AGAP1: variants seen among roughly 807,000 people sequenced by gnomAD.
AGAP1 encodes the protein arf-GAP with GTPase, ANK repeat and PH domain-containing protein 1.
Under a neutral mutation model 105.3 loss-of-function variants are expected in AGAP1, and 29 were observed. That is an observed-to-expected ratio of 0.28 (90% CI 0.21 to 0.38). The LOEUF (loss-of-function observed/expected upper bound fraction) is 0.38. Ranked by LOEUF, AGAP1 falls within the 10% of genes least tolerant of loss-of-function variation. The pLI is 1.00. For synonymous variants in AGAP1, 509 were observed against 485.9 expected, an observed-to-expected ratio of 1.05 and a Z score of -0.63; for missense variants, 998 against 1,165.1, an observed-to-expected ratio of 0.86 and a Z score of 2.09.
At chr2:236,099,413 C>T (rs906324411) in intron 16 of AGAP1, among the ~76,000 whole-genome samples, 2 of 151,874 alleles carry the variant, frequency 1.3e-5, no homozygotes, top group East Asian at 3.9e-4. Flanking sequence ...CGAGATCACA[C>T]CACTGCACTC....
In AGAP1 at chr2:235,705,102, C is replaced by A. The variant is rs1950474422; in HGVS notation, c.164-4077C>A. ...CAAGCACTTCTCCTGCCTCAGCCTC[C>A]CGAGCAGCTGGGATTACAATCATGT... On this transcript the variant is annotated intron_variant, in intron 1 of 17. Coordinates refer to ENST00000304032, the MANE Select transcript of AGAP1 (RefSeq NM_001037131.3). This position sits in a 1 kb window ranked among gnomAD's most constrained non-coding sequence, Gnocchi z 4.9. Among the ~76,000 whole-genome samples, 1 of 151,146 alleles carries A rather than the reference C, an allele frequency of 6.6e-6. No individual in the cohort carries two copies. The highest frequency in any genetic ancestry group is 2.4e-5 in the African/African-American group (1 of 41,122).
chr2:235,637,009 C>T (rs1255736121), intron 1 of AGAP1, among the ~76,000 whole-genome samples: 1 of 152,136 alleles, frequency 6.6e-6, no homozygotes, highest in Non-Finnish European at 1.5e-5. Flanking sequence ...TAAAGGAACC[C>T]GCCCTGCTGA....
At chr2:235,590,223 C>T (rs111917103) in intron 1 of AGAP1, among the ~76,000 whole-genome samples, 2 of 152,150 alleles carry the variant, frequency 1.3e-5, no homozygotes, top group Admixed American at 6.5e-5. Flanking sequence ...AGTTTTTACT[C>T]GGTGTTAACG....
At position 235,976,096 on chromosome 2, in the gene AGAP1, A is replaced by C. The variant is rs936062590; in HGVS notation, c.1645+7473A>C. Among the ~76,000 whole-genome samples the C allele has an allele frequency of 3.3e-5, 5 of 152,196 alleles. No individual in the cohort carries two copies. ...TTCCTGGGAGATACGCTGGAAATGC[A>C]GTCACTTCACTCTGCTAAGGATATC... On this transcript the variant is annotated intron_variant, in intron 13 of 17. Transcript: ENST00000304032. This position sits in a 1 kb window ranked among gnomAD's most constrained non-coding sequence, Gnocchi z 4.5.
At position 235,709,225 on chromosome 2, in the gene AGAP1, G is replaced by A. The variant is rs8178995; in HGVS notation, c.210G>A (p.Pro70=). The change falls in exon 2 of 18, where the codon CCG becomes CCA. Residue 70 remains proline (P), a synonymous_variant. Coordinates refer to ENST00000304032, the MANE Select transcript of AGAP1 (RefSeq NM_001037131.3). ...AATGGACGCTGAGTCGATCTGTCCC[G>A]GAGCTCAAAGTGGTGAGTGGTTCCC... The part of the protein sequence containing the change: ...SQEWTLSRSV[P]ELKVGIVGNL... 21,705 of 1,613,930 alleles carry A rather than the reference G, an allele frequency of 0.013. 2,442 individuals are homozygous for A. The African/African-American group carries it at 0.25, about 18-fold the overall frequency.
Position 235,730,761 on chromosome 2 carries a change from G to A in AGAP1, c.311-10202G>A, listed in dbSNP as rs557989462. On this transcript the variant is annotated intron_variant, in intron 3 of 17. Coordinates refer to ENST00000304032, the MANE Select transcript of AGAP1 (RefSeq NM_001037131.3). Reference sequence around the variant, plus strand: ...CCATGCAGGCTATTTGAGAGACAGTGGGAGATGCTGAAATATTCAAGCACC... The same window carrying A: ...CCATGCAGGCTATTTGAGAGACAGTAGGAGATGCTGAAATATTCAAGCACC... 2.1e-4 allele frequency among the ~76,000 whole-genome samples: 32 copies of A among 152,272 alleles called. 1 individual carries two copies. The South Asian group carries it at 6.7e-3, about 32-fold the overall frequency.
At chr2:235,595,061 C>T (rs941740385) in intron 1 of AGAP1, among the ~76,000 whole-genome samples, 18 of 152,034 alleles carry the variant, frequency 1.2e-4, no homozygotes, top group African/African-American at 2.7e-4. Context: ...GCGGGTGTGG[C>T]GCCAGAGGGG....
At chr2:235,707,472 A>ACCCCCCCCCCCCCCCCCCCCCC (rs1250772330) in intron 1 of AGAP1, among the ~76,000 whole-genome samples, 4 of 22,408 alleles carry the variant, frequency 1.8e-4, no homozygotes, top group Non-Finnish European at 2.7e-4. Context: ...CCTCCCCATG[A>ACCCCCCCCCCCCCCCCCCCCCC]CCCCCCCCCC....
chr2:236,023,452 AG>A (rs1466281018), intron 13 of AGAP1, among the ~76,000 whole-genome samples: 2 of 152,206 alleles, frequency 1.3e-5, no homozygotes, highest in African/African-American at 4.8e-5. Context: ...GAGAACCCAT[AG>A]CGAAAACTCA....
intron 9 of AGAP1, among the ~76,000 whole-genome samples, chr2:235,862,535 G>T (rs1305460031): frequency 6.6e-6 from 1 of 152,254 alleles, no homozygotes; most frequent in Non-Finnish European, 1.5e-5. Flanking sequence ...AGGTGTTGCA[G>T]ATGCCATCTG....
intron 13 of AGAP1, among the ~76,000 whole-genome samples, chr2:236,017,332 A>C (rs2125586490): frequency 6.6e-6 from 1 of 152,086 alleles, no homozygotes; most frequent in Non-Finnish European, 1.5e-5. Flanking sequence ...TTATAAAATT[A>C]TATAAAATAA....
chr2:235,628,906 G>A (rs1157714472), intron 1 of AGAP1, among the ~76,000 whole-genome samples: 2 of 152,044 alleles, frequency 1.3e-5, no homozygotes, highest in Non-Finnish European at 2.9e-5. Flanking sequence ...CTGCCTCTCG[G>A]GTTCAAGCAA....
chr2:235,577,487 T>A lies in AGAP1; in HGVS notation c.163+82638T>A, dbSNP rs1244592114. Among the ~76,000 whole-genome samples, 1 of 152,132 alleles carries A rather than the reference T, an allele frequency of 6.6e-6. No homozygotes were observed. Among genetic ancestry groups the A allele is most frequent in the Non-Finnish European group, 1.5e-5 (1 of 68,024 alleles). On this transcript the variant is annotated intron_variant, in intron 1 of 17. Coordinates refer to ENST00000304032, the MANE Select transcript of AGAP1 (RefSeq NM_001037131.3). This position sits in a 1 kb window ranked among gnomAD's most constrained non-coding sequence, Gnocchi z 4.5. The stretch of plus-strand genomic sequence containing the variant: ...CACTGCCTCTCGCTGAATGCCTGCT[T>A]GGAGCAGAGTCCTGTGTTTGTTTGG...
intron 1 of AGAP1, among the ~76,000 whole-genome samples, chr2:235,679,923 G>A (rs1948969232): frequency 6.6e-6 from 1 of 152,224 alleles, no homozygotes; most frequent in Admixed American, 6.5e-5. Flanking sequence ...AAATATTTAG[G>A]TTTCTAATAT....
chr2:235,634,109 G>A (rs1179525355), intron 1 of AGAP1, among the ~76,000 whole-genome samples: 1 of 152,222 alleles, frequency 6.6e-6, no homozygotes, highest in Non-Finnish European at 1.5e-5. Flanking sequence ...CGGTAGCTGA[G>A]GCTTTACGGC....
chr2:235,566,588 T>C lies in AGAP1; in HGVS notation c.163+71739T>C. The C allele has an allele frequency of 1.0e-6, 1 of 985,406 alleles. No individual in the cohort carries two copies. 61.0% of individuals were successfully genotyped at this position (985,406 alleles called of 1,614,324 possible). A position where few individuals can be genotyped will look rare whatever the true frequency, so the allele number is the denominator to read the frequency against. On this transcript the variant is annotated intron_variant, in intron 1 of 17. Transcript: ENST00000304032. This position sits in a 1 kb window ranked among gnomAD's most constrained non-coding sequence, Gnocchi z 5.2. ...ACAGAGGACTAGATGACCAGTGCTG[T>C]GAGTGGGCAGGTCTGTCTCCTGCCT...
Position 236,016,882 on chromosome 2 carries a change from G to A in AGAP1, c.1646-19679G>A, listed in dbSNP as rs542089787. Among the ~76,000 whole-genome samples, 6 of 152,156 alleles carry A rather than the reference G, an allele frequency of 3.9e-5. No homozygotes were observed. In the East Asian group the frequency reaches 9.6e-4, roughly 24 times the overall value. On this transcript the variant is annotated intron_variant, in intron 13 of 17. Transcript: ENST00000304032. ...TAGTAAGTTTCTGTTTGGTGTTCAA[G>A]GTCATGTATGAATTTTCAATTAAAA...
chr2:235,946,463 G>A (rs945778771), intron 12 of AGAP1, among the ~76,000 whole-genome samples: 2 of 151,926 alleles, frequency 1.3e-5, no homozygotes, highest in African/African-American at 4.8e-5. Flanking sequence ...GAGCCACTGT[G>A]CCCGGCCAGG....
At chr2:235,558,631 G>A (rs1368742750) in intron 1 of AGAP1, among the ~76,000 whole-genome samples, 2 of 152,202 alleles carry the variant, frequency 1.3e-5, no homozygotes, top group Non-Finnish European at 2.9e-5. Flanking sequence ...CCAGGAAGCT[G>A]AGTCTGGTTT....
Sources: gnomAD v4.1 joint callset for allele counts (sites outside exome capture counted in the v4.1 genomes callset) on GRCh38, gnomAD v4.1.1 for gene constraint, Gnocchi (gnomAD v3.1) non-coding constraint, MANE v1.5 for transcripts, NCBI Gene and HGNC (gene_info 2026-07-23, HGNC 2026-07-21) for gene names.